CDH11: variants seen among roughly 807,000 people sequenced by gnomAD.
The protein encoded by CDH11 is cadherin 11.
Under a neutral mutation model 67.8 loss-of-function variants are expected in CDH11, and 11 were observed. The observed-to-expected ratio is 0.16, with a 90% CI of 0.10 to 0.27. The LOEUF (loss-of-function observed/expected upper bound fraction) is 0.27, where lower values mean the gene tolerates loss of function less well. CDH11 is among the 10% of genes least tolerant of loss of function. The pLI, the probability that CDH11 is intolerant of heterozygous loss-of-function variation, is 1.00. For missense variants in CDH11, 847 were observed against 1,031.2 expected (o/e 0.82, Z 2.45); for synonymous variants, 419 against 400.0 (o/e 1.05, Z -0.57).
intron 11 of CDH11, among the ~76,000 whole-genome samples, chr16:64,961,229 CA>C: frequency 6.6e-6 from 1 of 152,178 alleles, no homozygotes; most frequent in East Asian, 1.9e-4. Context: ...AAGGCCAAAT[CA>C]AACAGGGAAG....
rs575416401 is a variant in CDH11 at position 64,964,171 on chromosome 16, A to T, written c.1642+7408T>A. Among the ~76,000 whole-genome samples, 15 of 152,340 alleles carry T rather than the reference A, an allele frequency of 9.8e-5. No homozygotes were observed. In the South Asian group the frequency reaches 2.9e-3, roughly 29 times the overall value. ...ATATACCGTCATGAGTTGCTTAGTG[A>T]CAGGGAAGCATCCTGAGAAATGCAT... On this transcript the variant is annotated intron_variant, in intron 11 of 12. Transcript: ENST00000268603.
intron 8 of CDH11, among the ~76,000 whole-genome samples, chr16:64,977,030 C>T (rs375170785): frequency 1.3e-5 from 2 of 151,936 alleles, no homozygotes; most frequent in East Asian, 3.9e-4. Flanking sequence ...CCCCTCTCTA[C>T]AAAAACAAAA....
chr16:65,036,531 C>T (rs182423365), intron 2 of CDH11, among the ~76,000 whole-genome samples: 17 of 152,112 alleles, frequency 1.1e-4, no homozygotes, highest in Non-Finnish European at 2.4e-4. Context: ...TTTGAAGTCA[C>T]AAAAGAAATG....
At chr16:64,951,562 C>T (rs1369017840) in intron 11 of CDH11, among the ~76,000 whole-genome samples, 1 of 152,018 alleles carries the variant, frequency 6.6e-6, no homozygotes, top group Admixed American at 6.5e-5. Flanking sequence ...CCTGTCACAC[C>T]ATTTTCTGCT....
At chr16:65,029,060 C>T (rs2073588158) in intron 2 of CDH11, among the ~76,000 whole-genome samples, 1 of 152,122 alleles carries the variant, frequency 6.6e-6, no homozygotes, top group South Asian at 2.1e-4. Context: ...TACACTTAAA[C>T]TATATCAAGA....
chr16:64,953,128 G>T (rs2071407415), intron 11 of CDH11, among the ~76,000 whole-genome samples: 1 of 151,858 alleles, frequency 6.6e-6, no homozygotes, highest in Non-Finnish European at 1.5e-5. Flanking sequence ...TTGCATTGTT[G>T]TATTACAATT....
chr16:65,070,028 A>C (rs962285515), intron 1 of CDH11, among the ~76,000 whole-genome samples: 1 of 152,190 alleles, frequency 6.6e-6, no homozygotes, highest in Non-Finnish European at 1.5e-5. Flanking sequence ...AGAATAAATT[A>C]GCCAATAACC....
At chr16:65,083,080 C>T (rs2074638268) in intron 1 of CDH11, among the ~76,000 whole-genome samples, 2 of 152,178 alleles carry the variant, frequency 1.3e-5, no homozygotes, top group Admixed American at 6.5e-5. Flanking sequence ...TTCCAAATGA[C>T]TTGACCCTTA....
At position 65,122,026 on chromosome 16, in the gene CDH11, C is replaced by T. The variant is rs1337000169; in HGVS notation, c.-444G>A. 2 of 695,090 alleles carry T rather than the reference C, an allele frequency of 2.9e-6. No homozygotes were observed. The highest frequency in any genetic ancestry group is 2.6e-6 in the Non-Finnish European group (1 of 381,960). The allele number at this position is 695,090 out of a possible 1,614,324, so 43.1% of individuals were successfully genotyped here. A position where few individuals can be genotyped will look rare whatever the true frequency, so the allele number is the denominator to read the frequency against. On this transcript the variant is annotated 5_prime_UTR_variant, in exon 1 of 13. Transcript: ENST00000268603. ...GGCCCCCGCGGCATCTGCTCCTCGG[C>T]CCGCGACGCTCCCCTCAGCTGGCGG...
intron 2 of CDH11, among the ~76,000 whole-genome samples, chr16:65,035,376 A>G (rs531807982): frequency 3.9e-5 from 6 of 152,324 alleles, no homozygotes; most frequent in Non-Finnish European, 7.3e-5. Context: ...TGCAAAGCAC[A>G]TGAGCAGCTG....
intron 2 of CDH11, among the ~76,000 whole-genome samples, chr16:65,035,779 G>T (rs764304958): frequency 2.6e-5 from 4 of 152,188 alleles, no homozygotes; most frequent in Non-Finnish European, 4.4e-5. Context: ...GATGAAGAAT[G>T]AAAGCATTAA....
chr16:64,984,525 C>T (rs982906136), intron 7 of CDH11, among the ~76,000 whole-genome samples: 3 of 152,164 alleles, frequency 2.0e-5, no homozygotes, highest in Non-Finnish European at 4.4e-5. Context: ...ATTGCATAAG[C>T]CATAAAATTC....
At chr16:65,089,357 C>A (rs748058971) in intron 1 of CDH11, among the ~76,000 whole-genome samples, 4 of 151,924 alleles carry the variant, frequency 2.6e-5, no homozygotes, top group Non-Finnish European at 4.4e-5. Context: ...ACTTAACCAG[C>A]GATACCAAAA....
rs145115382 is a variant in CDH11 at position 65,056,207 on chromosome 16, C to T, written c.-297-2279G>A. ...CTGCCATGTCAAAAGTTCAAATACTCGATATTACTGTGCTGTGAGAAAGCT... is the reference window on the plus strand; with the variant it reads ...CTGCCATGTCAAAAGTTCAAATACTTGATATTACTGTGCTGTGAGAAAGCT... On this transcript the variant is annotated intron_variant, in intron 1 of 12. Coordinates refer to ENST00000268603, the MANE Select transcript of CDH11 (RefSeq NM_001797.4). Among the ~76,000 whole-genome samples, 215 of 152,254 alleles carry T rather than the reference C, an allele frequency of 1.4e-3. 3 individuals are homozygous for T. The highest frequency in any genetic ancestry group is 6.8e-3 in the Middle Eastern group (2 of 294).
chr16:65,061,577 A>AT (rs2074236529), intron 1 of CDH11, among the ~76,000 whole-genome samples: 2 of 152,188 alleles, frequency 1.3e-5, no homozygotes, highest in Non-Finnish European at 2.9e-5. Flanking sequence ...ACCAACAGGT[A>AT]TTTTCTGACT....
At chr16:65,101,613 A>C (rs2074993329) in intron 1 of CDH11, among the ~76,000 whole-genome samples, 1 of 152,052 alleles carries the variant, frequency 6.6e-6, no homozygotes, top group Non-Finnish European at 1.5e-5. Flanking sequence ...GGTAAATACC[A>C]AGACCATCAC....
chr16:65,017,250 C>T (rs1338080932), intron 2 of CDH11, among the ~76,000 whole-genome samples: 1 of 152,180 alleles, frequency 6.6e-6, no homozygotes, highest in African/African-American at 2.4e-5. Flanking sequence ...TACCTAGCCC[C>T]TACTCAAGAT....
intron 1 of CDH11, among the ~76,000 whole-genome samples, chr16:65,098,308 G>A (rs1422769902): frequency 6.6e-6 from 1 of 152,060 alleles, no homozygotes; most frequent in Non-Finnish European, 1.5e-5. Context: ...AGAGTTAACA[G>A]CATCAGATAC....
intron 2 of CDH11, among the ~76,000 whole-genome samples, chr16:65,024,599 C>T (rs552231023): frequency 6.6e-6 from 1 of 152,314 alleles, no homozygotes; most frequent in East Asian, 1.9e-4. Context: ...TCTCCAGGGC[C>T]ATTTCAATCA....
Sources: allele counts gnomAD v4.1 joint callset (sites outside exome capture counted in the v4.1 genomes callset), GRCh38; gene constraint gnomAD v4.1.1; transcripts MANE v1.5; gene names NCBI Gene and HGNC (gene_info 2026-07-23, HGNC 2026-07-21).